Variants in FRMD6 observed in about 807,000 individuals in gnomAD.
FRMD6 encodes FERM domain containing 6.
A neutral mutation model predicts 73.2 loss-of-function variants in FRMD6; 37 were observed. The ratio of observed to expected loss-of-function variants is 0.51; its 90% confidence interval spans 0.39 to 0.66. The LOEUF is 0.66. Among genes scored for constraint, FRMD6 ranks in the 30% least tolerant of loss-of-function variants. The pLI is 0.00. For missense variants in FRMD6, 714 were observed against 780.5 expected, an observed-to-expected ratio of 0.91 and a Z score of 1.02; for synonymous variants, 273 against 282.2, an observed-to-expected ratio of 0.97 and a Z score of 0.33.
intron 1 of FRMD6, among the ~76,000 whole-genome samples, chr14:51,666,492 A>C (rs1033815857): frequency 2.3e-4 from 35 of 152,340 alleles, no homozygotes; most frequent in African/African-American, 8.2e-4. Flanking sequence ...TGTTATTAAG[A>C]AGTAGAGGTG....
the FRMD6 span, among the ~76,000 whole-genome samples, chr14:51,405,027 T>C: frequency 6.6e-6 from 1 of 152,200 alleles, no homozygotes; most frequent in Admixed American, 6.5e-5. Context: ...ACATGCGGTA[T>C]TCGGTTTTCT....
At chr14:51,709,900 CTAT>C (rs1896847811) in intron 7 of FRMD6, among the ~76,000 whole-genome samples, 2 of 152,158 alleles carry the variant, frequency 1.3e-5, no homozygotes, top group Middle Eastern at 3.4e-3. Flanking sequence ...CCTGAGCTGT[CTAT>C]TAAGTGGGGA....
chr14:51,594,306 T>TTTTATTAATTTA (rs1555325492), intron 2 of FRMD6, among the ~76,000 whole-genome samples: 4 of 142,996 alleles, frequency 2.8e-5, no homozygotes, highest in African/African-American at 1.1e-4. Context: ...TGTATTTTAT[T>TTTTATTAATTTA]TTTATTTATT....
chr14:51,583,768 A>G (rs900371115), intron 2 of FRMD6, among the ~76,000 whole-genome samples: 1 of 152,174 alleles, frequency 6.6e-6, no homozygotes, highest in African/African-American at 2.4e-5. Context: ...GTGCAGCCCG[A>G]AGTCACTCAG....
intron 1 of FRMD6, among the ~76,000 whole-genome samples, chr14:51,536,328 G>C (rs1566799504): frequency 1.3e-5 from 2 of 151,932 alleles, no homozygotes; most frequent in African/African-American, 2.4e-5. Context: ...CTGGCCCCAA[G>C]TGATCATTCC....
intron 1 of FRMD6, among the ~76,000 whole-genome samples, chr14:51,528,074 G>A (rs73285060): frequency 0.012 from 1,861 of 152,252 alleles, 39 homozygotes; most frequent in African/African-American, 0.043. Context: ...CCCCAGAGGT[G>A]GAGGTTGCAG....
At chr14:51,472,741 T>C in the FRMD6 span, among the ~76,000 whole-genome samples, 1 of 151,968 alleles carries the variant, frequency 6.6e-6, no homozygotes, top group Non-Finnish European at 1.5e-5. Flanking sequence ...TCAAAAATTC[T>C]GAGCAGCCCT....
At chr14:51,461,626 A>G in the FRMD6 span, among the ~76,000 whole-genome samples, 51 of 152,254 alleles carry the variant, frequency 3.3e-4, no homozygotes, top group Non-Finnish European at 4.8e-4. Flanking sequence ...AACTTAGCTC[A>G]GAGAAAGGCC....
chr14:51,430,893 G>A, the FRMD6 span, among the ~76,000 whole-genome samples: 6 of 152,212 alleles, frequency 3.9e-5, no homozygotes, highest in African/African-American at 1.4e-4. Context: ...AGAATCTGTG[G>A]TGTGGCTCTG....
rs1362774717 is a variant in FRMD6 at position 51,545,968 on chromosome 14, G to T, written c.-209-24380G>T. Among the ~76,000 whole-genome samples the T allele has an allele frequency of 2.6e-5, 4 of 152,076 alleles. No homozygotes were observed. In the East Asian group the frequency reaches 7.7e-4, roughly 29 times the overall value. ...ATTTGCTGAGAGAGAAAGAATTAAA[G>T]TTGAAAAAAATGAAAATGGGATTAT... On this transcript the variant is annotated intron_variant, in intron 1 of 14. Coordinates refer to the FRMD6 transcript ENST00000356218.
chr14:51,548,542 G>C (rs915063996), intron 1 of FRMD6, among the ~76,000 whole-genome samples: 4 of 152,056 alleles, frequency 2.6e-5, no homozygotes, highest in African/African-American at 4.8e-5. Context: ...AATTCTCCGT[G>C]GATTTCTGAA....
At chr14:51,468,162 G>A in the FRMD6 span, among the ~76,000 whole-genome samples, 4 of 152,022 alleles carry the variant, frequency 2.6e-5, no homozygotes, top group East Asian at 3.9e-4. Context: ...ATGGCGGCGC[G>A]CGCCTGCAAT....
intron 1 of FRMD6, among the ~76,000 whole-genome samples, chr14:51,680,433 A>G (rs1050240752): frequency 4.6e-5 from 7 of 152,242 alleles, no homozygotes; most frequent in Admixed American, 2.6e-4. Flanking sequence ...ATTACTTCCT[A>G]TTGTTTCTAC....
chr14:51,595,071 G>C (rs532910335), intron 2 of FRMD6, among the ~76,000 whole-genome samples: 1 of 152,322 alleles, frequency 6.6e-6, no homozygotes, highest in Admixed American at 6.5e-5. Flanking sequence ...CCAAAGGAGG[G>C]AGCCTGTAGT....
intron 1 of FRMD6, among the ~76,000 whole-genome samples, chr14:51,515,796 T>C (rs1030188778): frequency 1.5e-5 from 2 of 130,044 alleles, no homozygotes; most frequent in African/African-American, 6.0e-5. Context: ...ATTGAGGAAG[T>C]TGAGTTTTTT....
intron 2 of FRMD6, among the ~76,000 whole-genome samples, chr14:51,632,481 C>T (rs1042529343): frequency 2.0e-5 from 3 of 152,088 alleles, no homozygotes; most frequent in Non-Finnish European, 4.4e-5. Context: ...GTGTGTTGTA[C>T]CACTTGAGCT....
Position 51,536,938 on chromosome 14 carries a change from C to T in FRMD6, c.-209-33410C>T, listed in dbSNP as rs192528780. 3.3e-5 allele frequency among the ~76,000 whole-genome samples: 5 copies of T among 152,242 alleles called. No individual in the cohort carries two copies. In the East Asian group the frequency reaches 5.8e-4, roughly 18 times the overall value. On this transcript the variant is annotated intron_variant, in intron 1 of 14. Coordinates refer to the FRMD6 transcript ENST00000356218. Reference sequence around the variant, plus strand: ...GGAAGGTACAGAGATATCCTGACTACCCCCTGCCCCCCACACACAGTCTCC... The same window carrying T: ...GGAAGGTACAGAGATATCCTGACTATCCCCTGCCCCCCACACACAGTCTCC...
the FRMD6 span, among the ~76,000 whole-genome samples, chr14:51,409,880 C>T: frequency 8.5e-5 from 13 of 152,288 alleles, no homozygotes; most frequent in African/African-American, 2.4e-4. Context: ...TGAGCCACCA[C>T]GCCCGGCCCA....
At position 51,708,072 on chromosome 14, in the gene FRMD6, C is replaced by A. The variant is rs745840563; in HGVS notation, c.559-6C>A. On this transcript the variant is annotated splice_region_variant and splice_polypyrimidine_tract_variant and intron_variant, in intron 6 of 13. Transcript: ENST00000344768. ...GTTGCATTGCACACCCCTTGTATCC[C>A]AACAGGTTGTTTCCAAGAGGGGGAA... is the stretch of plus-strand genomic sequence containing the variant. The A allele has an allele frequency of 2.4e-5, 38 of 1,612,594 alleles. No individual in the cohort carries two copies. In the East Asian group the frequency reaches 8.5e-4, roughly 36 times the overall value.
Sources: allele counts gnomAD v4.1 joint callset (sites outside exome capture counted in the v4.1 genomes callset), GRCh38; gene constraint gnomAD v4.1.1; transcripts MANE v1.5; gene names NCBI Gene and HGNC (gene_info 2026-07-23, HGNC 2026-07-21).